Variants in GRM1 observed in about 807,000 individuals in gnomAD.
The protein encoded by GRM1 is metabotropic glutamate receptor 1.
A neutral mutation model predicts 90.9 loss-of-function variants in GRM1; 33 were observed. That is an observed-to-expected ratio of 0.36 (90% confidence interval 0.28 to 0.49). The LOEUF (loss-of-function observed/expected upper bound fraction) is 0.49. Among genes scored for constraint, GRM1 ranks in the 20% least tolerant of loss-of-function variants. GRM1 has a pLI of 0.99. For missense variants in GRM1, 1,190 were observed against 1,534.3 expected, an observed-to-expected ratio of 0.78 and a Z score of 3.75; for synonymous variants, 700 against 613.2, an observed-to-expected ratio of 1.14 and a Z score of -2.09.
At chr6:146,222,305 G>A (rs1315564620) in intron 2 of GRM1, among the ~76,000 whole-genome samples, 1 of 152,092 alleles carries the variant, frequency 6.6e-6, no homozygotes, top group African/African-American at 2.4e-5. Context: ...TGCTAATGAT[G>A]GAAACAGGCA....
At chr6:146,414,377 T>TTTTTTATTA (rs139509383) in intron 7 of GRM1, among the ~76,000 whole-genome samples, 1 of 145,344 alleles carries the variant, frequency 6.9e-6, no homozygotes, top group African/African-American at 2.5e-5. Context: ...CCGTTTGCCT[T>TTTTTTATTA]TTATTATTAT....
chr6:146,157,122 G>T (rs952643567), intron 1 of GRM1, among the ~76,000 whole-genome samples: 1 of 152,160 alleles, frequency 6.6e-6, no homozygotes, highest in Non-Finnish European at 1.5e-5. Context: ...TGAGAGTATA[G>T]ATGAAAAAGA....
chr6:146,192,437 T>C (rs1462300759), intron 2 of GRM1, among the ~76,000 whole-genome samples: 3 of 152,160 alleles, frequency 2.0e-5, no homozygotes, highest in African/African-American at 7.2e-5. Flanking sequence ...ATACAAAACC[T>C]CAGGTTCCTC....
intron 1 of GRM1, among the ~76,000 whole-genome samples, chr6:146,068,671 C>G (rs1472512754): frequency 6.6e-6 from 1 of 152,020 alleles, no homozygotes; most frequent in Non-Finnish European, 1.5e-5. Context: ...ATGGTACAGC[C>G]CATCCAGTTG....
At chr6:146,291,235 G>A (rs182358647) in intron 2 of GRM1, among the ~76,000 whole-genome samples, 52 of 151,422 alleles carry the variant, frequency 3.4e-4, no homozygotes, top group African/African-American at 1.1e-3. Context: ...ATTTTAGGTG[G>A]GTCTGTTGTA....
Position 146,114,384 on chromosome 6 carries a change from G to A in GRM1, c.701-44964G>A, listed in dbSNP as rs12206702. On this transcript the variant is annotated intron_variant, in intron 1 of 7. Transcript: ENST00000282753. Reference sequence around the variant, plus strand: ...GGATTTGTTCTAAAATTAAAAATGTGTATAATCTTTTCCCAGGAATTCCAT... The same window carrying A: ...GGATTTGTTCTAAAATTAAAAATGTATATAATCTTTTCCCAGGAATTCCAT... Among the ~76,000 whole-genome samples the A allele has an allele frequency of 5.1e-3, 772 of 152,272 alleles. 3 individuals are homozygous for A. Among genetic ancestry groups the A allele is most frequent in the Non-Finnish European group, 7.9e-3 (537 of 68,024 alleles).
intron 2 of GRM1, among the ~76,000 whole-genome samples, chr6:146,285,191 T>C (rs1156620705): frequency 6.6e-6 from 1 of 152,222 alleles, no homozygotes; most frequent in Non-Finnish European, 1.5e-5. Flanking sequence ...TTACTGGCTA[T>C]ATCAAACTGA....
chr6:146,407,978 C>A (rs925722540), intron 7 of GRM1, among the ~76,000 whole-genome samples: 1 of 152,138 alleles, frequency 6.6e-6, no homozygotes, highest in Non-Finnish European at 1.5e-5. Context: ...TCAGTTTGAA[C>A]TGCTATAACT....
intron 2 of GRM1, among the ~76,000 whole-genome samples, chr6:146,182,679 C>T (rs75175997): frequency 0.012 from 1,843 of 152,098 alleles, 77 homozygotes; most frequent in East Asian, 0.091. Flanking sequence ...TCCATCACTG[C>T]AGATTTGAAT....
At chr6:146,068,151 G>T (rs553405790) in intron 1 of GRM1, among the ~76,000 whole-genome samples, 2 of 145,626 alleles carry the variant, frequency 1.4e-5, no homozygotes, top group African/African-American at 5.1e-5. Flanking sequence ...TTGCTCTGTC[G>T]TCCAGGCTGG....
chr6:146,049,457 G>T (rs562717182), intron 1 of GRM1, among the ~76,000 whole-genome samples: 1 of 151,974 alleles, frequency 6.6e-6, no homozygotes, highest in South Asian at 2.1e-4. Context: ...TGCATCAGTA[G>T]CTGCCTAGAT....
chr6:146,331,861 C>T (rs754436213), intron 3 of GRM1, among the ~76,000 whole-genome samples: 6 of 152,008 alleles, frequency 3.9e-5, no homozygotes, highest in Non-Finnish European at 7.4e-5. Flanking sequence ...CATCAGTTGC[C>T]CTTGAAGAAC....
intron 3 of GRM1, among the ~76,000 whole-genome samples, chr6:146,331,142 G>A (rs362977): frequency 0.13 from 20,349 of 152,164 alleles, 1,492 homozygotes; most frequent in South Asian, 0.2. Context: ...TCAGAAGAGC[G>A]GCTGATAGGG....
chr6:146,367,413 T>G (rs1775733517), intron 5 of GRM1, among the ~76,000 whole-genome samples: 2 of 151,726 alleles, frequency 1.3e-5, no homozygotes, highest in South Asian at 4.2e-4. Context: ...AATTTTAGGA[T>G]TTTTTTTTCT....
chr6:146,029,843 G>A lies in GRM1; in HGVS notation c.326G>A (p.Cys109Tyr). 6.2e-7 allele frequency: 1 copy of A among 1,614,114 alleles called. No individual in the cohort carries two copies. Among genetic ancestry groups the A allele is most frequent in the Non-Finnish European group, 8.5e-7 (1 of 1,179,988 alleles). ...CTGGGCAGTGAGATCCGGGACTCCT[G>A]CTGGCACTCTTCCGTGGCTCTGGAA... Reference protein sequence around the residue: ...ITLGSEIRDSCWHSSVALEQS... With the variant: ...ITLGSEIRDSYWHSSVALEQS... The change falls in exon 1 of 8, where the codon TGC becomes TAC. Residue 109 changes from cysteine to tyrosine, a missense_variant. By Grantham distance (194) the Cys-to-Tyr change is radical (BLOSUM62 -2). Around this residue, in one of 10 missense-constraint regions of GRM1, gnomAD observed 91 missense variants for 95.6 expected, o/e 0.95. Transcript: ENST00000282753.
In GRM1 at chr6:146,029,898, G is replaced by A. The variant is rs748302318; in HGVS notation, c.381G>A (p.Leu127=). The part of the protein sequence containing the change: ...EQSIEFIRDS[L]ISIRDEKDGI... The stretch of plus-strand genomic sequence containing the variant: ...GCATTGAGTTCATTAGGGACTCTCT[G>A]ATTTCCATTCGAGATGAGAAGGATG... Residue 127 remains leucine (L), a synonymous_variant, in exon 1 of 8, where the codon CTG becomes CTA. Coordinates refer to ENST00000282753, the MANE Select transcript of GRM1 (RefSeq NM_001278064.2). The A allele has an allele frequency of 1.6e-5, 26 of 1,614,006 alleles. No individual in the cohort carries two copies. Among genetic ancestry groups the A allele is most frequent in the Non-Finnish European group, 2.1e-5 (25 of 1,180,026 alleles).
At chr6:146,230,266 TCTGATAAAGGA>T (rs1411708244) in intron 2 of GRM1, among the ~76,000 whole-genome samples, 1 of 151,936 alleles carries the variant, frequency 6.6e-6, no homozygotes, top group Non-Finnish European at 1.5e-5. Flanking sequence ...AAAAGACAAA[TCTGATAAAGGA>T]CTGTTGTCCA....
intron 7 of GRM1, among the ~76,000 whole-genome samples, chr6:146,421,518 A>G (rs181471861): frequency 6.6e-6 from 1 of 152,274 alleles, no homozygotes; most frequent in Non-Finnish European, 1.5e-5. Context: ...ATACATACCA[A>G]TTTGTCTCTT....
chr6:146,038,014 C>A (rs560962776), intron 1 of GRM1, among the ~76,000 whole-genome samples: 1 of 152,062 alleles, frequency 6.6e-6, no homozygotes, highest in East Asian at 1.9e-4. Context: ...AATAAAAGTC[C>A]TTTCGCAGAG....
Sources: allele counts gnomAD v4.1 joint callset (sites outside exome capture counted in the v4.1 genomes callset), GRCh38; gene constraint gnomAD v4.1.1; regional missense constraint gnomAD v4.1.1; transcripts MANE v1.5; gene names NCBI Gene and HGNC (gene_info 2026-07-23, HGNC 2026-07-21).